Variants in PRR16 observed in about 807,000 individuals in gnomAD.
PRR16 encodes proline rich 16.
A neutral mutation model predicts 18.2 loss-of-function variants in PRR16; 6 were observed. The ratio of observed to expected loss-of-function variants is 0.33; its 90% CI spans 0.18 to 0.65. The LOEUF is 0.65. Among genes scored for constraint, PRR16 ranks in the 30% least tolerant of loss-of-function variants. The pLI is 0.74. For synonymous variants in PRR16, 151 were observed against 147.8 expected (o/e 1.02, Z -0.16); for missense variants, 412 against 376.6 (o/e 1.09, Z -0.78).
rs148594172 is a variant in PRR16 at position 120,518,093 on chromosome 5, C to T, written c.159+53448C>T. On this transcript the variant is annotated intron_variant, in intron 1 of 1. Coordinates refer to ENST00000407149, the MANE Select transcript of PRR16 (RefSeq NM_001300783.2). The stretch of plus-strand genomic sequence containing the variant: ...TGTCTGCTTTCAGATGTCTATGACC[C>T]GGACATGTGACTTACCCTCTTTTTA... Among the ~76,000 whole-genome samples, 217 of 152,142 alleles carry T rather than the reference C, an allele frequency of 1.4e-3. 2 individuals carry two copies. Among genetic ancestry groups the T allele is most frequent in the African/African-American group, 4.9e-3 (203 of 41,518 alleles).
At chr5:120,734,266 C>T in the PRR16 span, among the ~76,000 whole-genome samples, 1 of 152,086 alleles carries the variant, frequency 6.6e-6, no homozygotes, top group Admixed American at 6.5e-5. Flanking sequence ...AGCTGAAGAA[C>T]AAAAACAGGA....
the PRR16 span, among the ~76,000 whole-genome samples, chr5:120,700,112 G>T: frequency 7.9e-5 from 12 of 152,158 alleles, no homozygotes; most frequent in African/African-American, 2.7e-4. Flanking sequence ...GGCAGGTATT[G>T]AGGATAGGAG....
intron 1 of PRR16, among the ~76,000 whole-genome samples, chr5:120,551,407 T>C (rs1752249720): frequency 6.6e-6 from 1 of 151,972 alleles, no homozygotes; most frequent in Non-Finnish European, 1.5e-5. Flanking sequence ...CGCTAACTGG[T>C]TGTGAGACCG....
chr5:120,787,228 A>G, the PRR16 span, among the ~76,000 whole-genome samples: 3 of 152,128 alleles, frequency 2.0e-5, no homozygotes, highest in African/African-American at 7.2e-5. Context: ...TGGTTTAAAA[A>G]TTTGTGTATT....
At chr5:120,581,187 C>T (rs1403134796) in intron 1 of PRR16, among the ~76,000 whole-genome samples, 1 of 152,098 alleles carries the variant, frequency 6.6e-6, no homozygotes, top group African/African-American at 2.4e-5. Context: ...TAATTACTAC[C>T]TCAATTTCAG....
chr5:120,586,522 C>G (rs974024334), intron 1 of PRR16, among the ~76,000 whole-genome samples: 55 of 152,002 alleles, frequency 3.6e-4, no homozygotes, highest in African/African-American at 1.2e-3. Flanking sequence ...TTGTATTTCT[C>G]TGTCACATTT....
Position 120,587,302 on chromosome 5 carries a change from T to C in PRR16, c.160-98652T>C, listed in dbSNP as rs184746661. Among the ~76,000 whole-genome samples the C allele has an allele frequency of 6.1e-3, 936 of 152,238 alleles. 15 individuals carry two copies. The highest frequency in any genetic ancestry group is 0.021 in the African/African-American group (853 of 41,542). On this transcript the variant is annotated intron_variant, in intron 1 of 1. Transcript: ENST00000407149. The stretch of plus-strand genomic sequence containing the variant: ...AAGTTATCCAGAAGACCTAAGATAA[T>C]TGATTAAGGTGGCTACACTAAATAA...
rs180936830 is a variant in PRR16, at chr5:120,611,291, T to G, written c.160-74663T>G. Among the ~76,000 whole-genome samples, 242 of 152,290 alleles carry G rather than the reference T, an allele frequency of 1.6e-3. 1 individual carries two copies. The highest frequency in any genetic ancestry group is 5.5e-3 in the African/African-American group (228 of 41,558). On this transcript the variant is annotated intron_variant, in intron 1 of 1. Transcript: ENST00000407149. Reference sequence around the variant, plus strand: ...TATGTGATGGAAAAGAAAATCACATTTTCTGGGCAGAAATTCAAGCCAGCT... The same window carrying G: ...TATGTGATGGAAAAGAAAATCACATGTTCTGGGCAGAAATTCAAGCCAGCT...
chr5:120,744,744 ATACT>A, the PRR16 span, among the ~76,000 whole-genome samples: 3 of 152,224 alleles, frequency 2.0e-5, no homozygotes, highest in African/African-American at 7.2e-5. Context: ...TTTGTCATAA[ATACT>A]TTCTTTTCCC....
chr5:120,754,396 A>ACATATTATAC, the PRR16 span, among the ~76,000 whole-genome samples: 10 of 96,730 alleles, frequency 1.0e-4, no homozygotes, highest in Non-Finnish European at 1.5e-4. Flanking sequence ...ATTATATGTT[A>ACATATTATAC]TATATTATAC....
intron 1 of PRR16, among the ~76,000 whole-genome samples, chr5:120,638,865 G>T (rs1361956927): frequency 6.6e-6 from 1 of 151,930 alleles, no homozygotes; most frequent in African/African-American, 2.4e-5. Context: ...TATAATAATG[G>T]CCCCAATATA....
intron 1 of PRR16, among the ~76,000 whole-genome samples, chr5:120,491,383 A>G (rs962387629): frequency 3.3e-5 from 5 of 151,378 alleles, no homozygotes; most frequent in Non-Finnish European, 7.4e-5. Context: ...TGTACATTCT[A>G]TATTAACTTA....
chr5:120,501,292 G>T (rs935647706), intron 1 of PRR16, among the ~76,000 whole-genome samples: 4 of 152,016 alleles, frequency 2.6e-5, no homozygotes, highest in Admixed American at 2.6e-4. Context: ...TGTGAAAATA[G>T]GTTTAAATAT....
chr5:120,564,223 G>A (rs1450803848), intron 1 of PRR16, among the ~76,000 whole-genome samples: 2 of 152,082 alleles, frequency 1.3e-5, no homozygotes, highest in Non-Finnish European at 2.9e-5. Flanking sequence ...TTGGGGGAGG[G>A]GTGGTACAGG....
At chr5:120,636,273 A>G (rs77744641) in intron 1 of PRR16, among the ~76,000 whole-genome samples, 36,443 of 151,956 alleles carry the variant, frequency 0.24, 5,871 homozygotes, top group African/African-American at 0.45. Flanking sequence ...ACTAGAAAAA[A>G]AAATCCTAAA....
intron 1 of PRR16, among the ~76,000 whole-genome samples, chr5:120,604,336 G>A (rs778892515): frequency 3.3e-5 from 5 of 151,814 alleles, no homozygotes; most frequent in Admixed American, 2.0e-4. Flanking sequence ...TATCATTGAC[G>A]ATGTAGTTTG....
At chr5:120,706,318 T>TCAGTGCCTGAAGAAGAAACTAG in the PRR16 span, among the ~76,000 whole-genome samples, 1 of 151,978 alleles carries the variant, frequency 6.6e-6, no homozygotes, top group Non-Finnish European at 1.5e-5. Flanking sequence ...TTGATTTTTG[T>TCAGTGCCTGAAGAAGAAACTAG]CAGTTTGACT....
At chr5:120,791,513 A>AT in the PRR16 span, among the ~76,000 whole-genome samples, 2 of 150,696 alleles carry the variant, frequency 1.3e-5, no homozygotes, top group Non-Finnish European at 3.0e-5. Flanking sequence ...TAATAATTAG[A>AT]TTAAAAAAAA....
intron 1 of PRR16, among the ~76,000 whole-genome samples, chr5:120,515,985 C>G (rs1270030660): frequency 1.3e-5 from 2 of 152,140 alleles, no homozygotes; most frequent in East Asian, 1.9e-4. Flanking sequence ...TTTTCTTTTT[C>G]TATATTGACA....
Sources: allele counts gnomAD v4.1 joint callset (sites outside exome capture counted in the v4.1 genomes callset), GRCh38; gene constraint gnomAD v4.1.1; transcripts MANE v1.5; gene names NCBI Gene and HGNC (gene_info 2026-07-23, HGNC 2026-07-21).